RBFOX1: variants seen among roughly 807,000 people sequenced by gnomAD.
RBFOX1 encodes the protein RNA binding fox-1 homolog 1, also known as RNA binding protein fox-1 homolog 1.
RBFOX1 carries 8 observed loss-of-function variants against 57.7 expected under a neutral mutation model. That is an observed-to-expected ratio of 0.14 (90% CI 0.08 to 0.25). RBFOX1 has a LOEUF of 0.25. RBFOX1 is among the 10% of genes least tolerant of loss of function. The probability of loss-of-function intolerance (pLI) is 1.00; values close to 1 mark genes in which losing one functional copy is unlikely to be tolerated. For missense variants in RBFOX1, 611 were observed against 548.5 expected (o/e 1.11, Z -1.14); for synonymous variants, 326 against 222.4 (o/e 1.47, Z -4.15).
At chr16:5,892,150 G>A (rs994415764) in intron 4 of RBFOX1, among the ~76,000 whole-genome samples, 4 of 152,178 alleles carry the variant, frequency 2.6e-5, no homozygotes, top group African/African-American at 9.7e-5. Context: ...TTAATGCATG[G>A]AACGGTGCAG....
intron 4 of RBFOX1, among the ~76,000 whole-genome samples, chr16:7,067,183 C>G (rs925658288): frequency 2.0e-5 from 3 of 152,164 alleles, no homozygotes; most frequent in Admixed American, 6.6e-5. Context: ...TCACCAAACC[C>G]AGAGGGTGAT....
chr16:7,029,174 GTA>G (rs2042054540), intron 3 of RBFOX1, among the ~76,000 whole-genome samples: 1 of 40,410 alleles, frequency 2.5e-5, no homozygotes, highest in African/African-American at 5.6e-5. Context: ...ATATATATAC[GTA>G]TACGTGTATA....
At chr16:6,866,118 CT>C (rs1169717058) in intron 3 of RBFOX1, among the ~76,000 whole-genome samples, 1 of 152,090 alleles carries the variant, frequency 6.6e-6, no homozygotes, top group Non-Finnish European at 1.5e-5. Context: ...CTCTCCTTTT[CT>C]TTCCCCAGCT....
intron 4 of RBFOX1, among the ~76,000 whole-genome samples, chr16:6,002,521 A>C (rs1178160978): frequency 6.6e-6 from 1 of 152,156 alleles, no homozygotes; most frequent in Non-Finnish European, 1.5e-5. Context: ...CATGAGTTTG[A>C]ATGAAAGGTT....
chr16:6,134,487 A>G (rs2096651799), intron 1 of RBFOX1, among the ~76,000 whole-genome samples: 1 of 152,246 alleles, frequency 6.6e-6, no homozygotes, highest in Non-Finnish European at 1.5e-5. Context: ...AGGGATGCAT[A>G]GTAAATCTGC....
intron 3 of RBFOX1, among the ~76,000 whole-genome samples, chr16:6,975,172 A>T (rs1186799094): frequency 6.6e-6 from 1 of 152,148 alleles, no homozygotes; most frequent in Non-Finnish European, 1.5e-5. Context: ...GGTTCCTGTG[A>T]TGGTACTGAG....
At chr16:5,589,182 C>G (rs1453707339) in intron 2 of RBFOX1, among the ~76,000 whole-genome samples, 1 of 152,160 alleles carries the variant, frequency 6.6e-6, no homozygotes, top group Non-Finnish European at 1.5e-5. Context: ...CTGTTGGCCC[C>G]TATCTGCACT....
chr16:7,327,750 AGT>A (rs2096629906), intron 4 of RBFOX1, among the ~76,000 whole-genome samples: 2 of 152,164 alleles, frequency 1.3e-5, no homozygotes, highest in South Asian at 4.1e-4. Context: ...TAGATCTTCC[AGT>A]GTTTCAAGAG....
chr16:6,230,805 A>G (rs2097453515), intron 1 of RBFOX1, among the ~76,000 whole-genome samples: 1 of 152,242 alleles, frequency 6.6e-6, no homozygotes, highest in Non-Finnish European at 1.5e-5. Flanking sequence ...GGATACGCAT[A>G]GTACAAAGAG....
intron 4 of RBFOX1, among the ~76,000 whole-genome samples, chr16:7,384,991 A>C (rs1597099044): frequency 6.6e-6 from 1 of 152,332 alleles, no homozygotes; most frequent in Non-Finnish European, 1.5e-5. Flanking sequence ...CTGAGCTCGC[A>C]ATGGCAAATC....
intron 3 of RBFOX1, among the ~76,000 whole-genome samples, chr16:5,842,599 C>G (rs578227647): frequency 4.5e-4 from 68 of 152,262 alleles, no homozygotes; most frequent in African/African-American, 1.6e-3. Context: ...GTATGTCTGG[C>G]TCTGCTCTAG....
At chr16:7,504,726 TATATATATATATATATA>T (rs2072273543) in intron 4 of RBFOX1, among the ~76,000 whole-genome samples, 1 of 46,198 alleles carries the variant, frequency 2.2e-5, no homozygotes, top group Non-Finnish European at 3.3e-5. Context: ...TATATATATA[TATATATATATATATATA>T]TATATATATA....
intron 11 of RBFOX1, among the ~76,000 whole-genome samples, chr16:7,643,577 G>A (rs914489403): frequency 6.6e-6 from 1 of 152,158 alleles, no homozygotes; most frequent in African/African-American, 2.4e-5. Context: ...TCAGGTTTGT[G>A]TTCATCTGCA....
At chr16:6,914,981 C>T (rs888736164) in intron 3 of RBFOX1, among the ~76,000 whole-genome samples, 4 of 152,240 alleles carry the variant, frequency 2.6e-5, no homozygotes, top group African/African-American at 9.6e-5. Context: ...ATTATTATTA[C>T]AGCACTATTG....
intron 4 of RBFOX1, among the ~76,000 whole-genome samples, chr16:7,331,299 G>C (rs2096690760): frequency 6.6e-6 from 1 of 152,188 alleles, no homozygotes; most frequent in Admixed American, 6.5e-5. Flanking sequence ...TCTATATCAA[G>C]TGTCCTGTTT....
chr16:6,912,827 C>T (rs993750504), intron 3 of RBFOX1, among the ~76,000 whole-genome samples: 1 of 151,920 alleles, frequency 6.6e-6, no homozygotes, highest in Non-Finnish European at 1.5e-5. Context: ...ACTGTGTTGC[C>T]CAGGCTAGAC....
intron 4 of RBFOX1, among the ~76,000 whole-genome samples, chr16:5,884,090 A>C (rs957183453): frequency 6.6e-6 from 1 of 152,216 alleles, no homozygotes; most frequent in African/African-American, 2.4e-5. Context: ...GTAGCTGCCT[A>C]ATATTATCAA....
chr16:5,906,290 T>G (rs2058454149), intron 4 of RBFOX1, among the ~76,000 whole-genome samples: 1 of 152,194 alleles, frequency 6.6e-6, no homozygotes, highest in Non-Finnish European at 1.5e-5. Context: ...ATGACTGGTT[T>G]CTTTGTAAAA....
chr16:7,093,209 CAGTT>C (rs1208461558), intron 4 of RBFOX1, among the ~76,000 whole-genome samples: 1 of 152,170 alleles, frequency 6.6e-6, no homozygotes, highest in African/African-American at 2.4e-5. Context: ...CCGTGTATCT[CAGTT>C]AGGGGGCTGA....
Sources: gnomAD v4.1 joint callset for allele counts (sites outside exome capture counted in the v4.1 genomes callset) on GRCh38, gnomAD v4.1.1 for gene constraint, MANE v1.5 for transcripts, NCBI Gene and HGNC (gene_info 2026-07-23, HGNC 2026-07-21) for gene names.